RNF152: variants seen among roughly 807,000 people sequenced by gnomAD.
The protein encoded by RNF152 is ring finger protein 152.
Under a neutral mutation model 12.7 loss-of-function variants are expected in RNF152, and 11 were observed. The observed-to-expected ratio is 0.86, with a 90% CI of 0.54 to 1.43. RNF152 has a LOEUF of 1.43. RNF152 is among the 40% of genes most tolerant of loss of function. RNF152 has a pLI of 0.00. For missense variants in RNF152, 255 were observed against 274.8 expected (o/e 0.93, Z 0.51); for synonymous variants, 113 against 120.3 (o/e 0.94, Z 0.40).
chr18:61,871,959 T>C (rs1235961818), intron 1 of RNF152, among the ~76,000 whole-genome samples: 2 of 152,180 alleles, frequency 1.3e-5, no homozygotes, highest in African/African-American at 4.8e-5. Flanking sequence ...CACATTGCTA[T>C]AAAGAAACAC....
At chr18:61,850,304 TATC>T (rs1206997629) in intron 1 of RNF152, among the ~76,000 whole-genome samples, 1 of 152,256 alleles carries the variant, frequency 6.6e-6, no homozygotes, top group Non-Finnish European at 1.5e-5. Flanking sequence ...GCCCTTGACA[TATC>T]ATCTGGCACA....
At chr18:61,827,597 G>T (rs5016055) in intron 1 of RNF152, among the ~76,000 whole-genome samples, 19,258 of 152,082 alleles carry the variant, frequency 0.13, 1,199 homozygotes, top group African/African-American at 0.14. Flanking sequence ...GGGTTTTATA[G>T]ATATCTCTTT....
chr18:61,840,393 A>G (rs1479068547), intron 1 of RNF152, among the ~76,000 whole-genome samples: 1 of 152,192 alleles, frequency 6.6e-6, no homozygotes, highest in Non-Finnish European at 1.5e-5. Context: ...ATCCTGGTCT[A>G]TCTTTTCTTT....
chr18:61,871,314 TC>T (rs1911987062), intron 1 of RNF152, among the ~76,000 whole-genome samples: 1 of 151,980 alleles, frequency 6.6e-6, no homozygotes, highest in Admixed American at 6.6e-5. Flanking sequence ...GCCTCTGGAT[TC>T]CCACCTTAGA....
intron 1 of RNF152, among the ~76,000 whole-genome samples, chr18:61,831,333 C>T (rs1277032332): frequency 6.6e-6 from 1 of 152,224 alleles, no homozygotes; most frequent in Non-Finnish European, 1.5e-5. Context: ...GATTCATCAT[C>T]TTTCCCTTTG....
chr18:61,863,093 A>G (rs1340002364), intron 1 of RNF152, among the ~76,000 whole-genome samples: 1 of 152,182 alleles, frequency 6.6e-6, no homozygotes, highest in East Asian at 1.9e-4. Context: ...GCAGCCATCC[A>G]TGTCCAAAAC....
At chr18:61,869,425 G>A (rs2144733448) in intron 1 of RNF152, among the ~76,000 whole-genome samples, 1 of 152,290 alleles carries the variant, frequency 6.6e-6, no homozygotes, top group East Asian at 1.9e-4. Context: ...CACCTGACAA[G>A]AGATTCTGTT....
chr18:61,877,053 C>T (rs1179527628), intron 1 of RNF152, among the ~76,000 whole-genome samples: 1 of 152,154 alleles, frequency 6.6e-6, no homozygotes, highest in Non-Finnish European at 1.5e-5. Context: ...GGATTGAATC[C>T]TGTGCAAATA....
rs1555702338 is a variant in RNF152, at chr18:61,844,102, G to GAAAGAAAGAAAGAAAGAA, written c.-135-27522_-135-27505dup. Reference sequence around the variant, plus strand: ...GGAAAGAAAGAAAGAAAGAAAGAAAGAAAGAAAGAAAGAAAGAAAGAAAGA... The same window carrying GAAAGAAAGAAAGAAAGAA: ...GGAAAGAAAGAAAGAAAGAAAGAAAGAAAGAAAGAAAGAAAGAAAAAGAAAGAAAGAAAGAAAGAAAGA... On this transcript the variant is annotated intron_variant, in intron 1 of 1. Transcript: ENST00000312828. Among the ~76,000 whole-genome samples, 618 of 136,366 alleles carry GAAAGAAAGAAAGAAAGAA rather than the reference G, an allele frequency of 4.5e-3. 7 individuals are homozygous for GAAAGAAAGAAAGAAAGAA. Among genetic ancestry groups the GAAAGAAAGAAAGAAAGAA allele is most frequent in the Non-Finnish European group, 5.7e-3 (359 of 62,886 alleles). 89.5% of individuals were successfully genotyped at this position (136,366 alleles called of 152,430 possible). A position where few individuals can be genotyped will look rare whatever the true frequency, so the allele number is the denominator to read the frequency against.
rs1408430963 is a variant in RNF152 at position 61,811,737 on chromosome 18, G to C, written c.*4115C>G. On this transcript the variant is annotated 3_prime_UTR_variant, in exon 2 of 2. Coordinates refer to ENST00000312828, the MANE Select transcript of RNF152 (RefSeq NM_173557.3). ...TGGAAGTGAACAGGGATTTCATTAG[G>C]CTTTTTTTTTCCTGTAACATTTACT... 6.6e-6 allele frequency: 1 copy of C among 152,050 alleles called. No individual in the cohort carries two copies. The highest frequency in any genetic ancestry group is 1.5e-5 in the Non-Finnish European group (1 of 68,018). 9.4% of individuals were successfully genotyped at this position (152,050 alleles called of 1,614,324 possible).
chr18:61,834,987 A>G (rs1247135377), intron 1 of RNF152, among the ~76,000 whole-genome samples: 2 of 152,172 alleles, frequency 1.3e-5, no homozygotes. Flanking sequence ...TCCAATGTCA[A>G]TTGAGGGTTG....
At chr18:61,827,243 T>C (rs1909711921) in intron 1 of RNF152, among the ~76,000 whole-genome samples, 1 of 152,226 alleles carries the variant, frequency 6.6e-6, no homozygotes, top group Non-Finnish European at 1.5e-5. Flanking sequence ...TTAATCTCAC[T>C]CTACACAGCA....
At chr18:61,851,316 TA>T (rs1910964030) in intron 1 of RNF152, among the ~76,000 whole-genome samples, 2 of 152,214 alleles carry the variant, frequency 1.3e-5, no homozygotes, top group South Asian at 4.1e-4. Flanking sequence ...CCACTCTGCA[TA>T]AACACTGCAT....
intron 1 of RNF152, among the ~76,000 whole-genome samples, chr18:61,850,248 C>A (rs1017228860): frequency 6.6e-6 from 1 of 152,228 alleles, no homozygotes; most frequent in Non-Finnish European, 1.5e-5. Flanking sequence ...TAAGAAAGCA[C>A]GACCTCATAC....
At position 61,815,987 on chromosome 18, in the gene RNF152, G is replaced by A. The variant is rs954973068; in HGVS notation, c.477C>T (p.Gly159=). Residue 159 remains glycine, a synonymous_variant, in exon 2 of 2, where the codon GGC becomes GGT. Coordinates refer to ENST00000312828, the MANE Select transcript of RNF152 (RefSeq NM_173557.3). ...CCGACCAGGTGGAGCTTTTCACCAC[G>A]CCCCGCCTGTCCTGCTCCTCCTCCA... The part of the protein sequence containing the change: ...EAVEEEQDRR[G]VVKSSTWSGV... 1.3e-5 allele frequency: 21 copies of A among 1,614,152 alleles called. No homozygotes were observed. The highest frequency in any genetic ancestry group is 9.9e-5 in the South Asian group (9 of 91,062).
chr18:61,879,286 T>C lies in RNF152; in HGVS notation c.-136+13509A>G, dbSNP rs1912349759. ...GTTTACATTTACATCATGTTTACAT[T>C]ACATTTGCATAGCATTTACATTGTA... On this transcript the variant is annotated intron_variant, in intron 1 of 1. Coordinates refer to ENST00000312828, the MANE Select transcript of RNF152 (RefSeq NM_173557.3). Among the ~76,000 whole-genome samples, 5 of 151,646 alleles carry C rather than the reference T, an allele frequency of 3.3e-5. No individual in the cohort carries two copies. The South Asian group carries it at 1.0e-3, about 32-fold the overall frequency.
Position 61,813,802 on chromosome 18 carries a change from T to C in RNF152, c.*2050A>G, listed in dbSNP as rs2144605151. The C allele has an allele frequency of 6.6e-6, 1 of 152,326 alleles. No individual in the cohort carries two copies. Among genetic ancestry groups the C allele is most frequent in the Non-Finnish European group, 1.5e-5 (1 of 68,028 alleles). 9.4% of individuals were successfully genotyped at this position (152,326 alleles called of 1,614,324 possible). On this transcript the variant is annotated 3_prime_UTR_variant, in exon 2 of 2. Coordinates refer to ENST00000312828, the MANE Select transcript of RNF152 (RefSeq NM_173557.3). ...AACACTTCTGTGGTGTGTGTGTGTG[T>C]GTATTTTCCTCCAAGAGAAATAGAA...
intron 1 of RNF152, among the ~76,000 whole-genome samples, chr18:61,877,865 A>G (rs1256883677): frequency 6.6e-6 from 1 of 152,198 alleles, no homozygotes; most frequent in African/African-American, 2.4e-5. Context: ...CAGACAGTAG[A>G]CTGCCAAAAT....
chr18:61,835,632 A>G (rs1285112420), intron 1 of RNF152, among the ~76,000 whole-genome samples: 4 of 152,206 alleles, frequency 2.6e-5, no homozygotes, highest in East Asian at 3.8e-4. Flanking sequence ...AAACAAAATC[A>G]AACCCTAAAA....
Sources: allele counts gnomAD v4.1 joint callset (sites outside exome capture counted in the v4.1 genomes callset), GRCh38; gene constraint gnomAD v4.1.1; transcripts MANE v1.5; gene names NCBI Gene and HGNC (gene_info 2026-07-23, HGNC 2026-07-21).